Variants in BAIAP2L1 observed in about 807,000 individuals in gnomAD.
BAIAP2L1 encodes BAR/IMD domain-containing adapter protein 2-like 1.
In BAIAP2L1, 35 loss-of-function variants were observed where a neutral mutation model predicts 66.3. The observed-to-expected ratio is 0.53, with a 90% CI of 0.40 to 0.70. The LOEUF (loss-of-function observed/expected upper bound fraction) is 0.70, where lower values mean the gene tolerates loss of function less well. Ranked by LOEUF, BAIAP2L1 falls within the 30% of genes least tolerant of loss-of-function variation. The pLI, the probability that BAIAP2L1 is intolerant of heterozygous loss-of-function variation, is 0.00. For synonymous variants in BAIAP2L1, 269 were observed against 248.7 expected (o/e 1.08, Z -0.77); for missense variants, 622 against 656.9 (o/e 0.95, Z 0.58).
At chr7:98,296,607 G>A (rs1430723834) in intron 12 of BAIAP2L1, among the ~76,000 whole-genome samples, 2 of 152,146 alleles carry the variant, frequency 1.3e-5, no homozygotes, top group Non-Finnish European at 2.9e-5. Context: ...CTGGGCAACA[G>A]AGTGAGACTC....
At chr7:98,386,856 C>G (rs1433079809) in intron 1 of BAIAP2L1, among the ~76,000 whole-genome samples, 1 of 151,822 alleles carries the variant, frequency 6.6e-6, no homozygotes, top group Non-Finnish European at 1.5e-5. Flanking sequence ...CCCGCCACTG[C>G]ACCCAACTAA....
At position 98,329,630 on chromosome 7, in the gene BAIAP2L1, G is replaced by A. The variant is rs550845030; in HGVS notation, c.215-9332C>T. Among the ~76,000 whole-genome samples the A allele has an allele frequency of 4.0e-5, 6 of 151,846 alleles. No homozygotes were observed. The South Asian group carries it at 1.3e-3, about 32-fold the overall frequency. On this transcript the variant is annotated intron_variant, in intron 3 of 13. Transcript: ENST00000005260. ...AGGCCGGGCCTCAAGGGAATCTGCT[G>A]TAATAAAGCCTTATCTGACCAGGGA...
In BAIAP2L1 at chr7:98,355,088, G is replaced by C; in HGVS notation, c.168C>G (p.Ala56=). ...LAGKAYYDGV[A]KIGEIATGSP... is the part of the protein sequence containing the mutation. ...ACCCAGTGGCAATCTCACCGATCTT[G>C]GCCACTCCATCGTAGTAGGCTTTTC... is the stretch of plus-strand genomic sequence containing the variant. Residue 56 remains alanine, a synonymous_variant, in exon 3 of 14, where the codon GCC becomes GCG. Coordinates refer to ENST00000005260, the MANE Select transcript of BAIAP2L1 (RefSeq NM_018842.5). The C allele has an allele frequency of 3.1e-6, 5 of 1,613,994 alleles. No homozygotes were observed. The highest frequency in any genetic ancestry group is 4.2e-6 in the Non-Finnish European group (5 of 1,179,898).
rs780253951 is a variant in BAIAP2L1, at chr7:98,293,501, G to A, written c.*20C>T. ...GCAAGGGAGAACCGGAGAGGCCCGG[G>A]AGAGTCCTTGGCTGTCCTCTCATCG... On this transcript the variant is annotated 3_prime_UTR_variant, in exon 14 of 14. Coordinates refer to ENST00000005260, the MANE Select transcript of BAIAP2L1 (RefSeq NM_018842.5). 1 of 1,608,404 alleles carries A rather than the reference G, an allele frequency of 6.2e-7. No homozygotes were observed. The highest frequency in any genetic ancestry group is 2.2e-5 in the East Asian group (1 of 44,878).
At chr7:98,381,397 A>G (rs1802756406) in intron 1 of BAIAP2L1, among the ~76,000 whole-genome samples, 1 of 152,168 alleles carries the variant, frequency 6.6e-6, no homozygotes, top group Non-Finnish European at 1.5e-5. Flanking sequence ...TGCTACAAAG[A>G]TTGTCCTTCC....
At chr7:98,390,122 A>G (rs952562663) in intron 1 of BAIAP2L1, among the ~76,000 whole-genome samples, 2 of 151,682 alleles carry the variant, frequency 1.3e-5, no homozygotes, top group East Asian at 3.9e-4. Flanking sequence ...TCACCATGTT[A>G]GCCAGGATGG....
At chr7:98,325,906 A>C (rs1378920693) in intron 3 of BAIAP2L1, among the ~76,000 whole-genome samples, 1 of 152,220 alleles carries the variant, frequency 6.6e-6, no homozygotes, top group African/African-American at 2.4e-5. Context: ...ACGTGATCAA[A>C]TTTGAAAGGC....
intron 3 of BAIAP2L1, among the ~76,000 whole-genome samples, chr7:98,348,679 T>C (rs1167560227): frequency 6.6e-6 from 1 of 152,204 alleles, no homozygotes; most frequent in Admixed American, 6.5e-5. Context: ...TTTTAAATTC[T>C]GAAATATTTG....
At chr7:98,359,355 C>A (rs1802212649) in intron 2 of BAIAP2L1, among the ~76,000 whole-genome samples, 1 of 151,768 alleles carries the variant, frequency 6.6e-6, no homozygotes, top group Admixed American at 6.6e-5. Context: ...TCACTGCAAC[C>A]TTTACCTCCC....
At chr7:98,386,073 CATG>C (rs1802883433) in intron 1 of BAIAP2L1, 1 of 1,549,658 alleles carries the variant, frequency 6.5e-7, no homozygotes, top group African/African-American at 1.4e-5. Context: ...CCTCTCGGGT[CATG>C]ATTTCGATCA....
chr7:98,300,637 G>A (rs193117913), intron 12 of BAIAP2L1, among the ~76,000 whole-genome samples: 247 of 152,196 alleles, frequency 1.6e-3, no homozygotes, highest in African/African-American at 5.5e-3. Flanking sequence ...ACGAGGCCCC[G>A]CTATCCCTCT....
chr7:98,369,044 CT>C (rs34808288), intron 1 of BAIAP2L1, among the ~76,000 whole-genome samples: 4,936 of 130,634 alleles, frequency 0.038, 174 homozygotes, highest in African/African-American at 0.1. Flanking sequence ...AACTGCCAAA[CT>C]TTTTTTTTTT....
intron 3 of BAIAP2L1, among the ~76,000 whole-genome samples, chr7:98,353,664 A>T (rs908922129): frequency 6.4e-5 from 9 of 141,122 alleles, no homozygotes; most frequent in Non-Finnish European, 1.1e-4. Context: ...TTTTATATAT[A>T]TAAATAATAT....
At chr7:98,374,792 A>T (rs1802582249) in intron 1 of BAIAP2L1, among the ~76,000 whole-genome samples, 1 of 152,320 alleles carries the variant, frequency 6.6e-6, no homozygotes, top group African/African-American at 2.4e-5. Flanking sequence ...GAAGAAAGAA[A>T]AAGGTGAATC....
chr7:98,335,097 G>C (rs1007163092), intron 3 of BAIAP2L1, among the ~76,000 whole-genome samples: 29 of 143,582 alleles, frequency 2.0e-4, no homozygotes, highest in Non-Finnish European at 3.4e-4. Context: ...AGCTGGCAGT[G>C]AGCCGAGATG....
chr7:98,353,839 G>A (rs1439750404), intron 3 of BAIAP2L1, among the ~76,000 whole-genome samples: 1 of 150,296 alleles, frequency 6.7e-6, no homozygotes, highest in East Asian at 1.9e-4. Flanking sequence ...GCGGGCATCT[G>A]TAGTCTCAGC....
At chr7:98,349,699 C>A (rs1381714430) in intron 3 of BAIAP2L1, among the ~76,000 whole-genome samples, 1 of 151,712 alleles carries the variant, frequency 6.6e-6, no homozygotes, top group African/African-American at 2.4e-5. Context: ...ATGGTGAAAC[C>A]CCATCTCTAC....
chr7:98,364,087 G>T (rs547200165), intron 1 of BAIAP2L1, among the ~76,000 whole-genome samples: 1 of 151,932 alleles, frequency 6.6e-6, no homozygotes, highest in African/African-American at 2.4e-5. Context: ...GACAGCAGAT[G>T]AGGCCTCAGG....
intron 8 of BAIAP2L1, 39 bp from the exon 9 acceptor site, chr7:98,310,631 G>A (rs1334673267): frequency 6.8e-7 from 1 of 1,464,608 alleles, no homozygotes; most frequent in African/African-American, 1.5e-5. Flanking sequence ...TTAGTATAGT[G>A]CAGAACCGGA....
Sources: gnomAD v4.1 joint callset for allele counts (sites outside exome capture counted in the v4.1 genomes callset) on GRCh38, gnomAD v4.1.1 for gene constraint, MANE v1.5 for transcripts, NCBI Gene and HGNC (gene_info 2026-07-23, HGNC 2026-07-21) for gene names.